The following UNC5D variants were observed in gnomAD, a reference collection of about 807,000 sequenced individuals.
UNC5D encodes the protein netrin receptor UNC5D.
Under a neutral mutation model 105.4 loss-of-function variants are expected in UNC5D, and 39 were observed. The ratio of observed to expected loss-of-function variants is 0.37; its 90% CI spans 0.29 to 0.48. The LOEUF is 0.48. Among genes scored for constraint, UNC5D ranks in the 20% least tolerant of loss-of-function variants. UNC5D has a pLI of 0.98. For missense variants in UNC5D, 991 were observed against 1,202.4 expected, an observed-to-expected ratio of 0.82 and a Z score of 2.60; for synonymous variants, 452 against 450.4, an observed-to-expected ratio of 1.00 and a Z score of -0.04.
Position 35,792,874 on chromosome 8 carries a change from A to G in UNC5D, c.*2311A>G. ...TTTAAGTATTTTTAAATAGATGAAA[A>G]TTCTAAATGATTTTCCCTCAAATCT... On this transcript the variant is annotated 3_prime_UTR_variant, in exon 17 of 17. Transcript: ENST00000404895. 1 of 366,540 alleles carries G rather than the reference A, an allele frequency of 2.7e-6. No individual in the cohort carries two copies. Among genetic ancestry groups the G allele is most frequent in the Non-Finnish European group, 5.2e-6 (1 of 192,070 alleles). The allele number at this position is 366,540 out of a possible 1,614,324, so 22.7% of individuals were successfully genotyped here.
intron 16 of UNC5D, among the ~76,000 whole-genome samples, chr8:35,789,747 AG>A (rs1222193239): frequency 6.6e-6 from 1 of 152,198 alleles, no homozygotes; most frequent in African/African-American, 2.4e-5. Flanking sequence ...GAGGAAGGAA[AG>A]AACAACAAGA....
At chr8:35,679,544 G>A (rs1825511683) in intron 4 of UNC5D, among the ~76,000 whole-genome samples, 1 of 152,158 alleles carries the variant, frequency 6.6e-6, no homozygotes, top group Non-Finnish European at 1.5e-5. Flanking sequence ...GAGGCTCTGA[G>A]GTGGCTAACT....
intron 8 of UNC5D, among the ~76,000 whole-genome samples, chr8:35,709,050 A>G (rs1459308716): frequency 6.6e-6 from 1 of 152,000 alleles, no homozygotes; most frequent in East Asian, 1.9e-4. Context: ...CCAACAATTC[A>G]TCACAATCTG....
intron 16 of UNC5D, among the ~76,000 whole-genome samples, chr8:35,786,921 G>GA (rs1293570513): frequency 6.6e-6 from 1 of 151,768 alleles, no homozygotes; most frequent in East Asian, 1.9e-4. Flanking sequence ...TAAATGGTCT[G>GA]AAAAAAAATC....
intron 4 of UNC5D, among the ~76,000 whole-genome samples, chr8:35,601,776 T>C (rs1460002139): frequency 6.6e-6 from 1 of 152,146 alleles, no homozygotes; most frequent in Non-Finnish European, 1.5e-5. Flanking sequence ...CTTTTCCTAA[T>C]TGAATGCCCT....
At chr8:35,451,237 T>C (rs1258149417) in intron 1 of UNC5D, among the ~76,000 whole-genome samples, 1 of 151,986 alleles carries the variant, frequency 6.6e-6, no homozygotes, top group Non-Finnish European at 1.5e-5. Context: ...GAGATAGTGT[T>C]TCTCCATGTT....
At chr8:35,507,181 A>G (rs201013496) in intron 1 of UNC5D, among the ~76,000 whole-genome samples, 6 of 144,442 alleles carry the variant, frequency 4.2e-5, no homozygotes, top group African/African-American at 7.7e-5. Context: ...TCAGCCTCCC[A>G]AGTAGCTGGG....
At chr8:35,527,958 TGGCAGTGG>T (rs1395198059) in intron 1 of UNC5D, among the ~76,000 whole-genome samples, 2 of 152,034 alleles carry the variant, frequency 1.3e-5, no homozygotes, top group East Asian at 3.9e-4. Flanking sequence ...CATTTTAATT[TGGCAGTGG>T]GAAGGGGAAG....
At chr8:35,434,996 G>A (rs80207255) in intron 1 of UNC5D, among the ~76,000 whole-genome samples, 2,254 of 152,102 alleles carry the variant, frequency 0.015, 66 homozygotes, top group African/African-American at 0.052. Flanking sequence ...TGTGCACTTA[G>A]TGAATCCTTC....
At chr8:35,702,426 G>A (rs1827271465) in intron 7 of UNC5D, among the ~76,000 whole-genome samples, 1 of 151,952 alleles carries the variant, frequency 6.6e-6, no homozygotes, top group Non-Finnish European at 1.5e-5. Context: ...AGCTCCCCAG[G>A]TGATTCTAAT....
chr8:35,603,641 G>T (rs1244474979), intron 4 of UNC5D, among the ~76,000 whole-genome samples: 3 of 151,974 alleles, frequency 2.0e-5, no homozygotes, highest in East Asian at 3.9e-4. Flanking sequence ...TTGACAGTGG[G>T]GTGTTAAAGT....
intron 4 of UNC5D, among the ~76,000 whole-genome samples, chr8:35,660,654 A>G (rs531422535): frequency 2.0e-5 from 3 of 152,318 alleles, no homozygotes; most frequent in African/African-American, 4.8e-5. Flanking sequence ...GCAGAGTTGT[A>G]CCTATATGTA....
At chr8:35,493,925 A>G (rs139015980) in intron 1 of UNC5D, among the ~76,000 whole-genome samples, 106 of 152,322 alleles carry the variant, frequency 7.0e-4, no homozygotes, top group African/African-American at 2.5e-3. Context: ...ATATGAAAAC[A>G]GTCCAAAGTT....
At chr8:35,613,399 CGTT>C (rs1820821629) in intron 4 of UNC5D, among the ~76,000 whole-genome samples, 2 of 152,298 alleles carry the variant, frequency 1.3e-5, no homozygotes, top group South Asian at 4.1e-4. Context: ...CTGCAGGAGT[CGTT>C]GTTGAGTGTA....
chr8:35,570,289 C>T (rs370388030), intron 3 of UNC5D, among the ~76,000 whole-genome samples: 1 of 152,126 alleles, frequency 6.6e-6, no homozygotes, highest in East Asian at 1.9e-4. Flanking sequence ...CTGTTGGTTT[C>T]CAACTTCAGT....
intron 1 of UNC5D, among the ~76,000 whole-genome samples, chr8:35,459,705 A>G (rs1308743415): frequency 1.3e-5 from 2 of 152,210 alleles, no homozygotes; most frequent in African/African-American, 4.8e-5. Flanking sequence ...TTTAAATCAT[A>G]CTTCATTATG....
At chr8:35,785,986 C>T (rs565798071) in intron 16 of UNC5D, among the ~76,000 whole-genome samples, 9 of 152,232 alleles carry the variant, frequency 5.9e-5, no homozygotes, top group South Asian at 2.1e-4. Context: ...GTTTTGATTT[C>T]GCAATAATGA....
At chr8:35,284,032 T>C (rs189903951) in intron 1 of UNC5D, among the ~76,000 whole-genome samples, 1 of 152,326 alleles carries the variant, frequency 6.6e-6, no homozygotes, top group Non-Finnish European at 1.5e-5. Flanking sequence ...AATGGATTCA[T>C]TTTAAATTGC....
intron 1 of UNC5D, among the ~76,000 whole-genome samples, chr8:35,389,072 T>A (rs1157807753): frequency 6.6e-6 from 1 of 152,226 alleles, no homozygotes; most frequent in Non-Finnish European, 1.5e-5. Flanking sequence ...TATATAGTTA[T>A]TTCTTATCTG....
Sources: allele counts gnomAD v4.1 joint callset (sites outside exome capture counted in the v4.1 genomes callset), GRCh38; gene constraint gnomAD v4.1.1; transcripts MANE v1.5; gene names NCBI Gene and HGNC (gene_info 2026-07-23, HGNC 2026-07-21).